PARD3B: variants seen among roughly 807,000 people sequenced by gnomAD.
PARD3B encodes partitioning defective 3 homolog B.
In PARD3B, 103 loss-of-function variants were observed where a neutral mutation model predicts 130.2. The ratio of observed to expected loss-of-function variants is 0.79; its 90% CI spans 0.67 to 0.93. The LOEUF (loss-of-function observed/expected upper bound fraction) is 0.93, where lower values mean the gene tolerates loss of function less well. PARD3B is among the 40% of genes least tolerant of loss of function. The pLI, the probability that PARD3B is intolerant of heterozygous loss-of-function variation, is 0.00. For missense variants in PARD3B, 1,609 were observed against 1,499.2 expected (o/e 1.07, Z -1.21); for synonymous variants, 583 against 553.2 (o/e 1.05, Z -0.76).
In PARD3B at chr2:204,967,583, T is replaced by G. The variant is rs1429237425; in HGVS notation, c.394+2260T>G. Reference sequence around the variant, plus strand: ...TCAGCAGGAGAAATTTGGGCAAGGATGAATGACGTAAAAAAATCATCCCTT... The same window carrying G: ...TCAGCAGGAGAAATTTGGGCAAGGAGGAATGACGTAAAAAAATCATCCCTT... On this transcript the variant is annotated intron_variant, in intron 3 of 22. Coordinates refer to ENST00000406610, the MANE Select transcript of PARD3B (RefSeq NM_001302769.2). The surrounding 1 kb of genome is among the most constrained non-coding windows in gnomAD (Gnocchi z 4.4). Among the ~76,000 whole-genome samples, 1 of 152,190 alleles carries G rather than the reference T, an allele frequency of 6.6e-6. No individual in the cohort carries two copies. Among genetic ancestry groups the G allele is most frequent in the Non-Finnish European group, 1.5e-5 (1 of 68,034 alleles).
At chr2:205,451,688 G>GTA (rs35082767) in intron 20 of PARD3B, among the ~76,000 whole-genome samples, 15,713 of 143,542 alleles carry the variant, frequency 0.11, 937 homozygotes, top group African/African-American at 0.17. Flanking sequence ...TATGTAATAG[G>GTA]TATATATATA....
chr2:205,000,597 C>G (rs1652341527), intron 3 of PARD3B, among the ~76,000 whole-genome samples: 1 of 152,154 alleles, frequency 6.6e-6, no homozygotes, highest in Non-Finnish European at 1.5e-5. Flanking sequence ...GATTAACTTA[C>G]TAAGATATAC....
chr2:204,801,804 C>T (rs1263491920), intron 2 of PARD3B, among the ~76,000 whole-genome samples: 1 of 152,196 alleles, frequency 6.6e-6, no homozygotes, highest in Admixed American at 6.5e-5. Context: ...GGGAATGCTT[C>T]CAGCCTTTTC....
At chr2:204,840,533 C>CT (rs200558739) in intron 2 of PARD3B, among the ~76,000 whole-genome samples, 12,371 of 146,652 alleles carry the variant, frequency 0.084, 1,428 homozygotes, top group African/African-American at 0.26. Context: ...TGAATTTGTC[C>CT]TTTTTTTTTT....
At chr2:205,429,910 G>A (rs1424572434) in intron 19 of PARD3B, among the ~76,000 whole-genome samples, 1 of 152,112 alleles carries the variant, frequency 6.6e-6, no homozygotes, top group Non-Finnish European at 1.5e-5. Flanking sequence ...CAGCAATCCT[G>A]GGTGTTTCTT....
intron 4 of PARD3B, among the ~76,000 whole-genome samples, chr2:205,056,809 A>T (rs959485301): frequency 2.6e-5 from 4 of 151,736 alleles, no homozygotes; most frequent in Admixed American, 6.6e-5. Flanking sequence ...GTCAAAATTG[A>T]TTTACTTAAA....
intron 15 of PARD3B, among the ~76,000 whole-genome samples, chr2:205,236,478 CAGCCATCTACG>C (rs2039067652): frequency 6.6e-6 from 1 of 152,106 alleles, no homozygotes; most frequent in Non-Finnish European, 1.5e-5. Flanking sequence ...AGGGAGAAGA[CAGCCATCTACG>C]AGCCAAGGAG....
chr2:205,456,425 C>CAGTA (rs1379773319), intron 20 of PARD3B, among the ~76,000 whole-genome samples: 1 of 152,042 alleles, frequency 6.6e-6, no homozygotes, highest in East Asian at 1.9e-4. Flanking sequence ...CTAGAACCTC[C>CAGTA]AGTACTATGT....
chr2:205,130,206 G>A lies in PARD3B; in HGVS notation c.1434+4469G>A, dbSNP rs149956228. The stretch of plus-strand genomic sequence containing the variant: ...AGGTGTTCACATAAGGAACAGTTTT[G>A]CAGAAGGTACTTTGAGATTAGTTTT... On this transcript the variant is annotated intron_variant, in intron 10 of 22. Transcript: ENST00000406610. 2.0e-5 allele frequency among the ~76,000 whole-genome samples: 3 copies of A among 152,276 alleles called. No homozygotes were observed. The East Asian group carries it at 5.8e-4, about 29-fold the overall frequency.
rs867864081 is a variant in PARD3B at position 205,615,733 on chromosome 2, C to T, written c.3538C>T (p.Pro1180Ser). ...CTATCAGGAAACAGGCAGACCAGGG[C>T]CCCGTGGGGGCAGCCCAGACCAGTA... is the stretch of plus-strand genomic sequence containing the variant. The part of the protein sequence containing the change: ...PAYQETGRPG[P>S]RGGSPDQYPY... The change falls in exon 23 of 23, where the codon CCC becomes TCC. Residue 1180 changes from proline to serine, a missense_variant. Coordinates refer to ENST00000406610, the MANE Select transcript of PARD3B (RefSeq NM_001302769.2). 6.2e-7 allele frequency: 1 copy of T among 1,614,022 alleles called. No individual in the cohort carries two copies. The highest frequency in any genetic ancestry group is 8.5e-7 in the Non-Finnish European group (1 of 1,180,028).
At position 205,352,808 on chromosome 2, in the gene PARD3B, T is replaced by C. The variant is rs1020742567; in HGVS notation, c.2631-48205T>C. Among the ~76,000 whole-genome samples the C allele has an allele frequency of 6.6e-6, 1 of 152,172 alleles. No individual in the cohort carries two copies. The highest frequency in any genetic ancestry group is 1.5e-5 in the Non-Finnish European group (1 of 68,038). On this transcript the variant is annotated intron_variant, in intron 18 of 22. Transcript: ENST00000406610. This position sits in a 1 kb window ranked among gnomAD's most constrained non-coding sequence, Gnocchi z 5.2. ...ACTTGTTCCTGGGGCTGCTGATTCA[T>C]CTGTTTTCATTGCTGTCATGAAAAC...
At position 205,292,578 on chromosome 2, in the gene PARD3B, T is replaced by C. The variant is rs2041648542; in HGVS notation, c.2186-7952T>C. 6.6e-6 allele frequency among the ~76,000 whole-genome samples: 1 copy of C among 152,118 alleles called. No individual in the cohort carries two copies. Among genetic ancestry groups the C allele is most frequent in the Admixed American group, 6.5e-5 (1 of 15,270 alleles). ...CAAGCAAAGACCCGCAGAGAACAAC[T>C]CATTTCTCCAAACTCCTGTTCCCTC... On this transcript the variant is annotated intron_variant, in intron 16 of 22. Coordinates refer to ENST00000406610, the MANE Select transcript of PARD3B (RefSeq NM_001302769.2). The surrounding 1 kb of genome is among the most constrained non-coding windows in gnomAD (Gnocchi z 5.3).
chr2:205,369,184 A>T (rs1330371385), intron 18 of PARD3B, among the ~76,000 whole-genome samples: 1 of 152,256 alleles, frequency 6.6e-6, no homozygotes, highest in Non-Finnish European at 1.5e-5. Context: ...TGTGAAATAC[A>T]TTAGTAATAG....
chr2:205,146,664 G>T lies in PARD3B; in HGVS notation c.1435-12058G>T, dbSNP rs185152527. Among the ~76,000 whole-genome samples the T allele has an allele frequency of 0.011, 1,742 of 151,980 alleles. 17 individuals are homozygous for T. Among genetic ancestry groups the T allele is most frequent in the Non-Finnish European group, 0.019 (1,301 of 67,916 alleles). ...AGACTCCGCCTCAAAAAAAAAAATT[G>T]TTACATCATATTGTTTGTTCCTGAA... On this transcript the variant is annotated intron_variant, in intron 10 of 22. Coordinates refer to ENST00000406610, the MANE Select transcript of PARD3B (RefSeq NM_001302769.2). This position sits in a 1 kb window ranked among gnomAD's most constrained non-coding sequence, Gnocchi z 4.3.
rs1370345426 is a variant in PARD3B at position 205,011,261 on chromosome 2, T to A, written c.395-36320T>A. ...TGCAGGCATGGCTTAGCTTGGTGATTCTGGCTCGGGGTTTCCCAAGAGTCT... is the reference window on the plus strand; with the variant it reads ...TGCAGGCATGGCTTAGCTTGGTGATACTGGCTCGGGGTTTCCCAAGAGTCT... On this transcript the variant is annotated intron_variant, in intron 3 of 22. Transcript: ENST00000406610. This position sits in a 1 kb window ranked among gnomAD's most constrained non-coding sequence, Gnocchi z 4.1. Among the ~76,000 whole-genome samples, 1 of 152,214 alleles carries A rather than the reference T, an allele frequency of 6.6e-6. No individual in the cohort carries two copies. The highest frequency in any genetic ancestry group is 1.5e-5 in the Non-Finnish European group (1 of 68,038).
chr2:204,622,163 A>C (rs2034325385), intron 1 of PARD3B, among the ~76,000 whole-genome samples: 1 of 152,196 alleles, frequency 6.6e-6, no homozygotes, highest in South Asian at 2.1e-4. Flanking sequence ...AGACAGGACA[A>C]CTTGAGCATG....
chr2:204,779,073 C>T (rs540493431), intron 2 of PARD3B, among the ~76,000 whole-genome samples: 1 of 152,120 alleles, frequency 6.6e-6, no homozygotes, highest in South Asian at 2.1e-4. Flanking sequence ...CTTGCAACAT[C>T]TGCACTTCTA....
intron 18 of PARD3B, among the ~76,000 whole-genome samples, chr2:205,330,912 G>T (rs924535854): frequency 2.8e-4 from 43 of 152,156 alleles, no homozygotes; most frequent in African/African-American, 1.0e-3. Flanking sequence ...TAGTTTTATT[G>T]AGGGCCATTC....
At chr2:205,057,577 G>A (rs1341180543) in intron 4 of PARD3B, among the ~76,000 whole-genome samples, 2 of 140,324 alleles carry the variant, frequency 1.4e-5, no homozygotes, top group African/African-American at 5.2e-5. Flanking sequence ...ATGTATATGT[G>A]TATGTGTATA....
Sources: allele counts gnomAD v4.1 joint callset (sites outside exome capture counted in the v4.1 genomes callset), GRCh38; gene constraint gnomAD v4.1.1; non-coding constraint Gnocchi (gnomAD v3.1); transcripts MANE v1.5; gene names NCBI Gene and HGNC (gene_info 2026-07-23, HGNC 2026-07-21).